The following ARHGAP31 variants were observed in gnomAD, a reference collection of about 807,000 sequenced individuals.
ARHGAP31 encodes the protein rho GTPase-activating protein 31.
ARHGAP31 carries 34 observed loss-of-function variants against 113.9 expected under a neutral mutation model. The observed-to-expected ratio is 0.30, with a 90% CI of 0.23 to 0.40. The LOEUF (loss-of-function observed/expected upper bound fraction) is 0.40. ARHGAP31 is among the 10% of genes least tolerant of loss of function. The pLI is 1.00. For missense variants in ARHGAP31, 1,548 were observed against 1,767.1 expected, an observed-to-expected ratio of 0.88 and a Z score of 2.22; for synonymous variants, 650 against 684.8, an observed-to-expected ratio of 0.95 and a Z score of 0.79.
intron 3 of ARHGAP31, among the ~76,000 whole-genome samples, chr3:119,375,562 G>C (rs1276302115): frequency 6.6e-6 from 1 of 152,106 alleles, no homozygotes; most frequent in African/African-American, 2.4e-5. Context: ...ACAGGTTCCA[G>C]TGATTAGGAT....
chr3:119,413,379 C>T (rs1437927659), intron 11 of ARHGAP31, among the ~76,000 whole-genome samples: 1 of 151,472 alleles, frequency 6.6e-6, no homozygotes, highest in Non-Finnish European at 1.5e-5. Flanking sequence ...AAGCAGGTGT[C>T]AGGGTAAGAC....
intron 1 of ARHGAP31, among the ~76,000 whole-genome samples, chr3:119,297,909 AACACACACACACAC>A (rs10575145): frequency 2.8e-5 from 4 of 142,690 alleles, no homozygotes; most frequent in East Asian, 4.1e-4. Flanking sequence ...TTTCCTTAGA[AACACACACACACAC>A]ACACACACAC....
intron 1 of ARHGAP31, among the ~76,000 whole-genome samples, chr3:119,345,559 A>G (rs1290112750): frequency 6.6e-6 from 1 of 152,142 alleles, no homozygotes; most frequent in East Asian, 1.9e-4. Flanking sequence ...TTGGATGCTA[A>G]GCTCCTGGGG....
intron 3 of ARHGAP31, 68 bp from the exon 4 acceptor site, chr3:119,380,836 C>T (rs2080390478): frequency 7.4e-7 from 1 of 1,357,932 alleles, no homozygotes; most frequent in Non-Finnish European, 1.1e-6. Context: ...TTGAGTGATC[C>T]CAGCACATGC....
At chr3:119,365,824 G>C in intron 2 of ARHGAP31, among the ~76,000 whole-genome samples, 1 of 152,074 alleles carries the variant, frequency 6.6e-6, no homozygotes, top group East Asian at 1.9e-4. Context: ...TTTTCTGCTG[G>C]CACACCCTCA....
At chr3:119,370,687 G>A (rs760580420) in intron 3 of ARHGAP31, among the ~76,000 whole-genome samples, 2 of 152,110 alleles carry the variant, frequency 1.3e-5, no homozygotes, top group South Asian at 2.1e-4. Context: ...TAAGAAATAC[G>A]GGAAGACACT....
intron 1 of ARHGAP31, among the ~76,000 whole-genome samples, chr3:119,333,536 G>C (rs756519923): frequency 6.6e-6 from 1 of 152,112 alleles, no homozygotes; most frequent in Non-Finnish European, 1.5e-5. Context: ...GTTTATTTTA[G>C]AAAGTCCTAC....
chr3:119,296,757 A>G (rs1284793062), intron 1 of ARHGAP31, among the ~76,000 whole-genome samples: 4 of 152,202 alleles, frequency 2.6e-5, no homozygotes, highest in Non-Finnish European at 5.9e-5. Flanking sequence ...TTAGACAAAA[A>G]AAAACAGAGA....
chr3:119,323,327 C>T (rs1183192163), intron 1 of ARHGAP31, among the ~76,000 whole-genome samples: 2 of 152,128 alleles, frequency 1.3e-5, no homozygotes, highest in East Asian at 1.9e-4. Context: ...AGCCAGCGCT[C>T]CAGGCCGCCC....
intron 7 of ARHGAP31, among the ~76,000 whole-genome samples, chr3:119,392,666 C>T (rs1351655791): frequency 6.6e-6 from 1 of 152,190 alleles, no homozygotes; most frequent in Non-Finnish European, 1.5e-5. Flanking sequence ...GCTCCTCTTT[C>T]CCCATCTCAC....
At chr3:119,314,328 G>T (rs1014170181) in intron 1 of ARHGAP31, 6 of 152,224 alleles carry the variant, frequency 3.9e-5, no homozygotes, top group Admixed American at 3.9e-4. Context: ...TGCCCTTGGT[G>T]TGTGTTCTCA....
Position 119,380,603 on chromosome 3 carries a change from C to T in ARHGAP31, c.349-301C>T, listed in dbSNP as rs141340089. 4.8e-3 allele frequency among the ~76,000 whole-genome samples: 595 copies of T among 122,718 alleles called. 3 individuals carry two copies. Among genetic ancestry groups the T allele is most frequent in the African/African-American group, 0.018 (574 of 32,752 alleles). The allele number at this position is 122,718 out of a possible 152,430, so 80.5% of individuals were successfully genotyped here. On this transcript the variant is annotated intron_variant, in intron 3 of 11. Coordinates refer to ENST00000264245, the MANE Select transcript of ARHGAP31 (RefSeq NM_020754.4). ...GTGAGTCTCTGTATCTCTCTACCCCCGAGACACACCCGAGATTCTACACAT... is the reference window on the plus strand; with the variant it reads ...GTGAGTCTCTGTATCTCTCTACCCCTGAGACACACCCGAGATTCTACACAT...
chr3:119,334,785 C>A (rs2079928479), intron 1 of ARHGAP31, among the ~76,000 whole-genome samples: 1 of 152,174 alleles, frequency 6.6e-6, no homozygotes, highest in Non-Finnish European at 1.5e-5. Context: ...TTAATTCTTA[C>A]AATAATCCTA....
chr3:119,339,232 CAAT>C (rs755024179), intron 1 of ARHGAP31, among the ~76,000 whole-genome samples: 72 of 152,200 alleles, frequency 4.7e-4, no homozygotes, highest in Non-Finnish European at 7.5e-4. Flanking sequence ...TAAGGTTGGT[CAAT>C]AGTTTCAGGC....
chr3:119,377,608 C>G (rs112633033), intron 3 of ARHGAP31, among the ~76,000 whole-genome samples: 1,909 of 152,052 alleles, frequency 0.013, 50 homozygotes, highest in African/African-American at 0.043. Flanking sequence ...TGCAGAGGGA[C>G]CAGCTCACTT....
intron 1 of ARHGAP31, among the ~76,000 whole-genome samples, chr3:119,297,180 CTAGT>C (rs1470454666): frequency 6.6e-6 from 1 of 152,178 alleles, no homozygotes; most frequent in Non-Finnish European, 1.5e-5. Context: ...TCAGCTAAAA[CTAGT>C]TGGATGGTTT....
Position 119,323,442 on chromosome 3 carries a change from G to A in ARHGAP31, c.100+28438G>A, listed in dbSNP as rs994608938. Among the ~76,000 whole-genome samples, 3 of 152,370 alleles carry A rather than the reference G, an allele frequency of 2.0e-5. No individual in the cohort carries two copies. The East Asian group carries it at 5.8e-4, about 29-fold the overall frequency. On this transcript the variant is annotated intron_variant, in intron 1 of 11. Transcript: ENST00000264245. ...AAGGAGGTGCAACCCTGAGAGCCAA[G>A]ACGTTGGGCTTGGCTTTGCTTTGCG...
chr3:119,393,655 CTTTGG>C, intron 8 of ARHGAP31, 64 bp downstream of exon 8: 1 of 1,594,798 alleles, frequency 6.3e-7, no homozygotes, highest in Admixed American at 1.7e-5. Flanking sequence ...CTTATTAAGT[CTTTGG>C]TTTGATCATA....
At chr3:119,344,654 T>C (rs367876922) in intron 1 of ARHGAP31, among the ~76,000 whole-genome samples, 1 of 152,270 alleles carries the variant, frequency 6.6e-6, no homozygotes, top group South Asian at 2.1e-4. Context: ...ATTTGTTTGT[T>C]TGTTTTGTTC....
Sources: gnomAD v4.1 joint callset for allele counts (sites outside exome capture counted in the v4.1 genomes callset) on GRCh38, gnomAD v4.1.1 for gene constraint, MANE v1.5 for transcripts, NCBI Gene and HGNC (gene_info 2026-07-23, HGNC 2026-07-21) for gene names.